Variants in ADAM10 observed in about 807,000 individuals in gnomAD.
ADAM10 encodes disintegrin and metalloproteinase domain-containing protein 10.
A neutral mutation model predicts 90.1 loss-of-function variants in ADAM10; 17 were observed. The ratio of observed to expected loss-of-function variants is 0.19; its 90% CI spans 0.13 to 0.28. The LOEUF is 0.28. Ranked by LOEUF, ADAM10 falls within the 10% of genes least tolerant of loss-of-function variation. ADAM10 has a pLI of 1.00. For synonymous variants in ADAM10, 310 were observed against 298.6 expected (o/e 1.04, Z -0.40); for missense variants, 610 against 914.3 (o/e 0.67, Z 4.29).
intron 5 of ADAM10, 74 bp downstream of exon 5, chr15:58,665,023 A>G (rs1596044559): frequency 1.7e-6 from 2 of 1,165,580 alleles, no homozygotes; most frequent in Admixed American, 1.7e-5. Context: ...CCTAGAACAT[A>G]TATTTTAAAT....
intron 10 of ADAM10, among the ~76,000 whole-genome samples, chr15:58,623,237 A>G (rs1370770302): frequency 6.6e-6 from 1 of 152,210 alleles, no homozygotes; most frequent in African/African-American, 2.4e-5. Context: ...CTTGGCACAA[A>G]CATATGCACT....
At chr15:58,704,866 T>C (rs1163787036) in intron 2 of ADAM10, among the ~76,000 whole-genome samples, 1 of 152,194 alleles carries the variant, frequency 6.6e-6, no homozygotes, top group Non-Finnish European at 1.5e-5. Context: ...AGAACTCTAG[T>C]ATTTGGTTGC....
At chr15:58,718,615 C>T (rs1898741703) in intron 1 of ADAM10, among the ~76,000 whole-genome samples, 1 of 152,164 alleles carries the variant, frequency 6.6e-6, no homozygotes, top group Admixed American at 6.5e-5. Flanking sequence ...GCTCCATGAA[C>T]TGAGTTTTTC....
intron 5 of ADAM10, among the ~76,000 whole-genome samples, chr15:58,658,803 G>C (rs750596476): frequency 1.3e-5 from 2 of 151,998 alleles, no homozygotes; most frequent in African/African-American, 2.4e-5. Context: ...GAATACGACT[G>C]ATTATACCAA....
intron 1 of ADAM10, among the ~76,000 whole-genome samples, chr15:58,720,338 C>A (rs1302836438): frequency 4.6e-5 from 7 of 151,980 alleles, no homozygotes; most frequent in African/African-American, 1.7e-4. Flanking sequence ...AAGCCAATGT[C>A]TAAGAGATAA....
At chr15:58,690,201 A>C (rs1476197465) in intron 2 of ADAM10, among the ~76,000 whole-genome samples, 1 of 152,204 alleles carries the variant, frequency 6.6e-6, no homozygotes, top group African/African-American at 2.4e-5. Flanking sequence ...TACTCATGAT[A>C]AAATTCTCAG....
chr15:58,728,176 C>T (rs1422469693), intron 1 of ADAM10, among the ~76,000 whole-genome samples: 2 of 152,126 alleles, frequency 1.3e-5, no homozygotes, highest in Admixed American at 6.5e-5. Context: ...AAGCCAATAA[C>T]AGATATGCAG....
intron 1 of ADAM10, among the ~76,000 whole-genome samples, chr15:58,721,712 C>T (rs1429546833): frequency 2.0e-5 from 3 of 151,974 alleles, no homozygotes; most frequent in African/African-American, 7.3e-5. Context: ...TAGAAAGGCC[C>T]CTGTCTCTAC....
intron 2 of ADAM10, among the ~76,000 whole-genome samples, chr15:58,703,250 T>A (rs1898180529): frequency 7.4e-6 from 1 of 135,366 alleles, no homozygotes; most frequent in Admixed American, 8.1e-5. Context: ...TATTGCCTTA[T>A]AATGATCACT....
chr15:58,744,379 T>C (rs568532005), intron 1 of ADAM10, among the ~76,000 whole-genome samples: 35 of 152,316 alleles, frequency 2.3e-4, no homozygotes, highest in Non-Finnish European at 4.7e-4. Context: ...TTAGTTTTCC[T>C]ACATAAAACA....
At chr15:58,734,548 A>C (rs1899364181) in intron 1 of ADAM10, among the ~76,000 whole-genome samples, 1 of 152,076 alleles carries the variant, frequency 6.6e-6, no homozygotes, top group Admixed American at 6.6e-5. Context: ...ACAAATACAA[A>C]AATCAGCCGG....
intron 2 of ADAM10, among the ~76,000 whole-genome samples, chr15:58,700,324 T>C (rs901669762): frequency 2.6e-5 from 4 of 152,180 alleles, no homozygotes; most frequent in Non-Finnish European, 2.9e-5. Flanking sequence ...CTCTCGAGGA[T>C]AGACCATATG....
At position 58,700,467 on chromosome 15, in the gene ADAM10, C is replaced by T. The variant is rs536750579; in HGVS notation, c.206+17110G>A. Among the ~76,000 whole-genome samples the T allele has an allele frequency of 1.5e-3, 224 of 152,144 alleles. 1 individual carries two copies. The highest frequency in any genetic ancestry group is 4.9e-3 in the African/African-American group (203 of 41,496). ...AAATACATGAAAATTAAACAAACAT[C>T]CTCCTGAAAGACAACTGATCAAGAA... is the stretch of plus-strand genomic sequence containing the variant. On this transcript the variant is annotated intron_variant, in intron 2 of 15. Transcript: ENST00000260408.
chr15:58,623,375 A>C (rs1395259544), intron 10 of ADAM10, among the ~76,000 whole-genome samples: 1 of 152,188 alleles, frequency 6.6e-6, no homozygotes, highest in Non-Finnish European at 1.5e-5. Context: ...GTTGCTGTGG[A>C]GGCACCTGCT....
At chr15:58,709,004 A>C (rs566575341) in intron 2 of ADAM10, among the ~76,000 whole-genome samples, 1 of 152,244 alleles carries the variant, frequency 6.6e-6, no homozygotes, top group African/African-American at 2.4e-5. Flanking sequence ...AAGAATTTTT[A>C]ATCAGTTTAA....
intron 4 of ADAM10, among the ~76,000 whole-genome samples, chr15:58,675,061 TGGCAC>T (rs1239635753): frequency 3.3e-5 from 5 of 152,196 alleles, no homozygotes; most frequent in Admixed American, 6.5e-5. Flanking sequence ...CTGGGCGTGA[TGGCAC>T]ATGCCTGTAG....
chr15:58,677,923 G>T (rs756271025), intron 4 of ADAM10, among the ~76,000 whole-genome samples: 22 of 152,078 alleles, frequency 1.4e-4, no homozygotes, highest in Non-Finnish European at 2.5e-4. Flanking sequence ...GCAAAAAAAG[G>T]TTAAATTACT....
intron 2 of ADAM10, among the ~76,000 whole-genome samples, chr15:58,704,427 A>G (rs1240543080): frequency 6.6e-6 from 1 of 152,116 alleles, no homozygotes; most frequent in Non-Finnish European, 1.5e-5. Context: ...CATTCTTTTA[A>G]CTGATGCCAT....
intron 2 of ADAM10, among the ~76,000 whole-genome samples, chr15:58,690,662 C>G (rs1897753099): frequency 6.6e-6 from 1 of 151,940 alleles, no homozygotes; most frequent in Non-Finnish European, 1.5e-5. Context: ...CCAGGTGGGA[C>G]AGGACCACTC....
Sources: allele counts gnomAD v4.1 joint callset (sites outside exome capture counted in the v4.1 genomes callset), GRCh38; gene constraint gnomAD v4.1.1; transcripts MANE v1.5; gene names NCBI Gene and HGNC (gene_info 2026-07-23, HGNC 2026-07-21).